Variants in NAGK observed in about 807,000 individuals in gnomAD.
The protein encoded by NAGK is N-acetylglucosamine kinase.
In NAGK, 35 loss-of-function variants were observed where a neutral mutation model predicts 42.9. The observed-to-expected ratio is 0.82, with a 90% CI of 0.62 to 1.08. NAGK has a LOEUF of 1.08. Ranked by LOEUF, NAGK falls within the 50% of genes least tolerant of loss-of-function variation. The pLI, the probability that NAGK is intolerant of heterozygous loss-of-function variation, is 0.00. For synonymous variants in NAGK, 172 were observed against 176.0 expected (o/e 0.98, Z 0.18); for missense variants, 446 against 446.0 (o/e 1.00, Z 0.00).
intron 4 of NAGK, 105 bp downstream of exon 4, chr2:71,071,932 C>T (rs1672028453): frequency 7.2e-7 from 1 of 1,396,526 alleles, no homozygotes; most frequent in African/African-American, 1.4e-5. Context: ...AAGGCAGCCA[C>T]TCTTATATTC....
chr2:71,073,043 G>A (rs1314804376), intron 5 of NAGK: 6 of 483,094 alleles, frequency 1.2e-5, no homozygotes, highest in South Asian at 6.0e-5. Flanking sequence ...TGAAACTGAG[G>A]GTAAGGCCAT....
At chr2:71,077,487 T>C in intron 8 of NAGK, 71 bp from the exon 9 acceptor site, 2 of 1,479,466 alleles carry the variant, frequency 1.4e-6, no homozygotes, top group Non-Finnish European at 1.9e-6. Flanking sequence ...GGGTTGGTCA[T>C]AGGAAACTCC....
Position 71,078,496 on chromosome 2 carries a change from C to T in NAGK, c.1023C>T (p.Tyr341=), listed in dbSNP as rs1456282851. 6.4e-7 allele frequency: 1 copy of T among 1,552,286 alleles called. No homozygotes were observed. The highest frequency in any genetic ancestry group is 1.4e-5 in the African/African-American group (1 of 73,200). Residue 341 remains tyrosine (Y), a synonymous_variant, in exon 10 of 10, where the codon TAC becomes TAT. Coordinates refer to ENST00000244204, the MANE Select transcript of NAGK (RefSeq NM_017567.6). ...YSANAIAFYS[Y]TFS Reference sequence around the variant, plus strand: ...CCAATGCCATTGCCTTCTATTCCTACACCTTTTCCTAGGGGGCTGGTCCCG... The same window carrying T: ...CCAATGCCATTGCCTTCTATTCCTATACCTTTTCCTAGGGGGCTGGTCCCG...
At chr2:71,068,797 C>T in intron 1 of NAGK, 85 bp downstream of exon 1, 2 of 1,420,552 alleles carry the variant, frequency 1.4e-6, no homozygotes, top group East Asian at 3.0e-5. Flanking sequence ...GGCCTTGATC[C>T]TCGGCGTCCG....
chr2:71,077,606 G>T lies in NAGK; in HGVS notation c.814G>T (p.Val272Leu). The change falls in exon 9 of 10, where the codon GTG becomes TTG. Residue 272 changes from valine to leucine, a missense_variant. By Grantham distance (32) the Val-to-Leu change is conservative (BLOSUM62 1). Coordinates refer to ENST00000244204, the MANE Select transcript of NAGK (RefSeq NM_017567.6). ...IGLPILCVGS[V>L]WKSWELLKEG... ...ACTCCCCATCCTGTGCGTGGGCTCT[G>T]TGTGGAAGAGCTGGGAGCTGCTGAA... The T allele has an allele frequency of 6.2e-7, 1 of 1,609,418 alleles. No individual in the cohort carries two copies. Among genetic ancestry groups the T allele is most frequent in the Non-Finnish European group, 8.5e-7 (1 of 1,177,908 alleles).
In NAGK at chr2:71,078,308, T is replaced by A; in HGVS notation, c.845-10T>A. On this transcript the variant is annotated splice_polypyrimidine_tract_variant and intron_variant, in intron 9 of 9. Transcript: ENST00000244204. The stretch of plus-strand genomic sequence containing the variant: ...TCCTCTTATCTCTGTCCTTGTGTTC[T>A]TCCCTCCAGGTTTTCTTCTGGCGCT... 1 of 1,613,474 alleles carries A rather than the reference T, an allele frequency of 6.2e-7. No homozygotes were observed. The highest frequency in any genetic ancestry group is 8.5e-7 in the Non-Finnish European group (1 of 1,179,368).
rs150661812 is a variant in NAGK, at chr2:71,072,702, C to T, written c.417C>T (p.Ser139=). The T allele has an allele frequency of 9.9e-6, 16 of 1,614,100 alleles. No homozygotes were observed. The highest frequency in any genetic ancestry group is 1.0e-5 in the Non-Finnish European group (12 of 1,179,978). The part of the protein sequence containing the change: ...SNCRLINPDG[S]ESGCGGWGHM... The stretch of plus-strand genomic sequence containing the variant: ...GCAGGCTCATCAACCCTGATGGCTC[C>T]GAGAGTGGCTGCGGCGGCTGGGGCC... Residue 139 remains serine (S), a synonymous_variant, in exon 5 of 10, where the codon TCC becomes TCT. Coordinates refer to ENST00000244204, the MANE Select transcript of NAGK (RefSeq NM_017567.6).
At chr2:71,073,258 T>C (rs1421842250) in intron 5 of NAGK, 1 of 584,826 alleles carries the variant, frequency 1.7e-6, no homozygotes. Flanking sequence ...CCTCACCTAT[T>C]CTGTTTTCCC....
At chr2:71,074,079 C>A (rs1018996124) in intron 6 of NAGK, among the ~76,000 whole-genome samples, 7 of 152,128 alleles carry the variant, frequency 4.6e-5, no homozygotes, top group African/African-American at 1.4e-4. Flanking sequence ...GGGATTGACT[C>A]CTCCTTGTCT....
chr2:71,071,865 T>C (rs1388220267), intron 4 of NAGK, 38 bp downstream of exon 4: 13 of 1,607,132 alleles, frequency 8.1e-6, no homozygotes, highest in Non-Finnish European at 1.0e-5. Flanking sequence ...TGAGAACTGG[T>C]TTTTTTGGGA....
rs1672114050 is a variant in NAGK, at chr2:71,073,716, T to C, written c.579+122T>C. On this transcript the variant is annotated intron_variant, in intron 6 of 9. Transcript: ENST00000244204. Reference sequence around the variant, plus strand: ...CAGGAAATAGGGTGAGTTGTGGGTCTGAGTTGCAGGGTGAAGTCATAGGTG... The same window carrying C: ...CAGGAAATAGGGTGAGTTGTGGGTCCGAGTTGCAGGGTGAAGTCATAGGTG... 7.2e-6 allele frequency: 6 copies of C among 836,998 alleles called. No individual in the cohort carries two copies. In the Admixed American group the frequency reaches 1.1e-4, roughly 15 times the overall value. 51.8% of individuals were successfully genotyped at this position (836,998 alleles called of 1,614,324 possible). A position where few individuals can be genotyped will look rare whatever the true frequency, so the allele number is the denominator to read the frequency against.
intron 6 of NAGK, among the ~76,000 whole-genome samples, chr2:71,074,147 A>T (rs1672127379): frequency 2.6e-5 from 4 of 152,188 alleles, no homozygotes; most frequent in Non-Finnish European, 2.9e-5. Flanking sequence ...AACCAGAGGT[A>T]AAAGGCGGGA....
intron 1 of NAGK, chr2:71,069,606 AGG>A (rs1558723743): frequency 3.3e-4 from 50 of 153,346 alleles, no homozygotes; most frequent in Non-Finnish European, 6.2e-4. Flanking sequence ...AAAACAGTAT[AGG>A]AGTCTGCATT....
intron 9 of NAGK, 28 bp from the exon 10 acceptor site, chr2:71,078,290 A>ATCTC: frequency 6.2e-7 from 1 of 1,608,630 alleles, no homozygotes; most frequent in Non-Finnish European, 8.5e-7. Context: ...TTCTCCTCTT[A>ATCTC]TCTCTGTCCT....
intron 2 of NAGK, 48 bp from the exon 3 acceptor site, chr2:71,070,693 T>A: frequency 6.2e-7 from 1 of 1,612,342 alleles, no homozygotes; most frequent in Non-Finnish European, 8.5e-7. Context: ...GGGGGCAACA[T>A]AGCTTCTGTA....
chr2:71,076,502 G>C, intron 7 of NAGK, 102 bp from the exon 8 acceptor site: 3 of 901,916 alleles, frequency 3.3e-6, no homozygotes. Flanking sequence ...CCTAGCTCAG[G>C]GTGCTCCTGT....
chr2:71,071,913 A>G, intron 4 of NAGK, 86 bp downstream of exon 4: 8 of 1,520,376 alleles, frequency 5.3e-6, no homozygotes, highest in Non-Finnish European at 7.1e-6. Context: ...TTGTTCTGCA[A>G]ATATCCAGAA....
In NAGK at chr2:71,070,809, G is replaced by C. The variant is rs746760937; in HGVS notation, c.183G>C (p.Gly61=). 6.2e-7 allele frequency: 1 copy of C among 1,614,204 alleles called. No individual in the cohort carries two copies. The highest frequency in any genetic ancestry group is 1.1e-5 in the South Asian group (1 of 91,084). ...TGAACAGGGCCAAACGGAAAGCAGG[G>C]GTGGATCCTCTGGTACCGCTGCGAA... The part of the protein sequence containing the change: ...EMVNRAKRKA[G]VDPLVPLRSL... Residue 61 remains glycine, a synonymous_variant, in exon 3 of 10, where the codon GGG becomes GGC. Transcript: ENST00000244204.
Position 71,070,806 on chromosome 2 carries a change from A to C in NAGK, c.180A>C (p.Ala60=). ...TGGTGAACAGGGCCAAACGGAAAGC[A>C]GGGGTGGATCCTCTGGTACCGCTGC... ...NEMVNRAKRK[A]GVDPLVPLRS... is the part of the protein sequence containing the mutation. Residue 60 remains alanine, a synonymous_variant, in exon 3 of 10, where the codon GCA becomes GCC. Transcript: ENST00000244204. 6.2e-7 allele frequency: 1 copy of C among 1,614,214 alleles called. No individual in the cohort carries two copies. The highest frequency in any genetic ancestry group is 1.1e-5 in the South Asian group (1 of 91,078).
Sources: gnomAD v4.1 joint callset for allele counts (sites outside exome capture counted in the v4.1 genomes callset) on GRCh38, gnomAD v4.1.1 for gene constraint, MANE v1.5 for transcripts, NCBI Gene and HGNC (gene_info 2026-07-23, HGNC 2026-07-21) for gene names.